GRIN2D: variants seen among roughly 807,000 people sequenced by gnomAD.
The protein encoded by GRIN2D is glutamate receptor ionotropic, NMDA 2D.
A neutral mutation model predicts 103.2 loss-of-function variants in GRIN2D; 37 were observed. The observed-to-expected ratio is 0.36, with a 90% CI of 0.28 to 0.47. GRIN2D has a LOEUF of 0.47. GRIN2D is among the 20% of genes least tolerant of loss of function. The pLI, the probability that GRIN2D is intolerant of heterozygous loss-of-function variation, is 1.00. For synonymous variants in GRIN2D, 845 were observed against 885.6 expected (o/e 0.95, Z 0.81); for missense variants, 1,557 against 1,910.6 (o/e 0.81, Z 3.45).
intron 11 of GRIN2D, among the ~76,000 whole-genome samples, chr19:48,428,044 CT>C (rs549084356): frequency 0.076 from 9,199 of 120,452 alleles, 463 homozygotes; most frequent in African/African-American, 0.17. Flanking sequence ...TGGCCAAGTT[CT>C]TTTTTTTTTT....
intron 3 of GRIN2D, among the ~76,000 whole-genome samples, chr19:48,402,140 GAAAGAAAGAAAGAAAGAAAGAAAGAA>G (rs1569059077): frequency 5.0e-5 from 4 of 80,234 alleles, no homozygotes; most frequent in South Asian, 3.6e-4. Flanking sequence ...AAGAAAGAAA[GAAAGAAAGAAAGAAAGAAAGAAAGAA>G]AGAGAGAAAA....
At chr19:48,423,792 A>C (rs1971052198) in intron 11 of GRIN2D, among the ~76,000 whole-genome samples, 1 of 151,906 alleles carries the variant, frequency 6.6e-6, no homozygotes, top group South Asian at 2.1e-4. Flanking sequence ...TGGAGATTTT[A>C]CGTAAGGAAG....
intron 11 of GRIN2D, among the ~76,000 whole-genome samples, chr19:48,432,222 C>CTT (rs1006061692): frequency 4.4e-5 from 6 of 137,750 alleles, no homozygotes; most frequent in African/African-American, 8.3e-5. Flanking sequence ...CTTTTTCTTT[C>CTT]TTTTTTTTTT....
Position 48,405,523 on chromosome 19 carries a change from T to C in GRIN2D, c.1085+170T>C, listed in dbSNP as rs993282154. On this transcript the variant is annotated intron_variant, in intron 4 of 13. Coordinates refer to ENST00000263269, the MANE Select transcript of GRIN2D (RefSeq NM_000836.4). The surrounding 1 kb of genome is among the most constrained non-coding windows in gnomAD (Gnocchi z 5.1). ...CTTTTCTGAGGTTAAATCAAGTAAT[T>C]TGGAAAAAGCACCTGAGATAAAGTG... is the stretch of plus-strand genomic sequence containing the variant. Among the ~76,000 whole-genome samples, 1 of 152,188 alleles carries C rather than the reference T, an allele frequency of 6.6e-6. No homozygotes were observed. The highest frequency in any genetic ancestry group is 1.5e-5 in the Non-Finnish European group (1 of 68,028).
At chr19:48,437,189 T>C (rs566664767) in intron 11 of GRIN2D, among the ~76,000 whole-genome samples, 2 of 152,256 alleles carry the variant, frequency 1.3e-5, no homozygotes, top group East Asian at 3.9e-4. Flanking sequence ...GGCACAATCA[T>C]AGCTCACTGC....
intron 2 of GRIN2D, among the ~76,000 whole-genome samples, chr19:48,396,210 C>G (rs1362408133): frequency 4.6e-5 from 7 of 151,860 alleles, no homozygotes; most frequent in African/African-American, 1.7e-4. Context: ...AGAGGCTGGA[C>G]TCTGTGATCC....
Position 48,438,025 on chromosome 19 carries a change from C to G in GRIN2D, c.2253-3744C>G, listed in dbSNP as rs544086882. Among the ~76,000 whole-genome samples the G allele has an allele frequency of 1.1e-3, 159 of 150,708 alleles. 1 individual carries two copies. Among genetic ancestry groups the G allele is most frequent in the African/African-American group, 3.4e-3 (138 of 40,942 alleles). On this transcript the variant is annotated intron_variant, in intron 11 of 13. Coordinates refer to ENST00000263269, the MANE Select transcript of GRIN2D (RefSeq NM_000836.4). ...AGTCTTTGCTTCAGCTAGAGACATT[C>G]AATTTGGGGGATCCACTTCCTGTCT...
In GRIN2D at chr19:48,411,143, G is replaced by A. The variant is rs1349774966; in HGVS notation, c.1086-2848G>A. Among the ~76,000 whole-genome samples the A allele has an allele frequency of 4.6e-5, 7 of 151,964 alleles. No homozygotes were observed. In the South Asian group the frequency reaches 6.2e-4, roughly 14 times the overall value. On this transcript the variant is annotated intron_variant, in intron 4 of 13. Transcript: ENST00000263269. Reference sequence around the variant, plus strand: ...AGATCATCTGAGCTTGGGACATGGCGAAACCTCGTCTCCACCAAAAATACA... The same window carrying A: ...AGATCATCTGAGCTTGGGACATGGCAAAACCTCGTCTCCACCAAAAATACA...
intron 11 of GRIN2D, among the ~76,000 whole-genome samples, chr19:48,433,143 G>A (rs548934316): frequency 3.1e-4 from 46 of 148,852 alleles, no homozygotes; most frequent in Non-Finnish European, 4.8e-4. Context: ...CGAGAAGGGC[G>A]GATTGCCTGA....
Position 48,398,768 on chromosome 19 carries a change from G to A in GRIN2D, c.376G>A (p.Val126Ile). Residue 126 changes from valine (V) to isoleucine (I), a missense_variant, in exon 3 of 14, where the codon GTC (valine) becomes ATC (isoleucine). Physicochemically the swap from Val to Ile is conservative, Grantham distance 29 (BLOSUM62 3). Transcript: ENST00000263269. ...CGAAGACGACTCGCGCGCGCCCGCC[G>A]TCGCGCCCATCCTCGACTTCCTGTC... ...VFEDDSRAPA[V>I]APILDFLSAQ... The A allele has an allele frequency of 6.8e-7, 1 of 1,465,100 alleles. No individual in the cohort carries two copies. The highest frequency in any genetic ancestry group is 1.3e-5 in the South Asian group (1 of 77,012). 90.8% of individuals were successfully genotyped at this position (1,465,100 alleles called of 1,614,324 possible). A position where few individuals can be genotyped will look rare whatever the true frequency, so the allele number is the denominator to read the frequency against.
At chr19:48,436,154 G>C (rs1477906238) in intron 11 of GRIN2D, among the ~76,000 whole-genome samples, 2 of 152,306 alleles carry the variant, frequency 1.3e-5, no homozygotes, top group East Asian at 3.9e-4. Context: ...CCGGCTGTGT[G>C]GGAGACCGGA....
intron 11 of GRIN2D, among the ~76,000 whole-genome samples, chr19:48,436,093 G>A (rs186339948): frequency 2.6e-5 from 4 of 152,286 alleles, no homozygotes; most frequent in Admixed American, 2.0e-4. Context: ...AGACAGAGCC[G>A]ATTTATCAAG....
rs1476594657 is a variant in GRIN2D at position 48,444,361 on chromosome 19, A to G, written c.*424A>G. The G allele has an allele frequency of 6.4e-6, 1 of 157,294 alleles. No homozygotes were observed. Among genetic ancestry groups the G allele is most frequent in the African/African-American group, 2.4e-5 (1 of 41,532 alleles). The allele number at this position is 157,294 out of a possible 1,614,324, so 9.7% of individuals were successfully genotyped here. A position where few individuals can be genotyped will look rare whatever the true frequency, so the allele number is the denominator to read the frequency against. On this transcript the variant is annotated 3_prime_UTR_variant, in exon 14 of 14. Coordinates refer to ENST00000263269, the MANE Select transcript of GRIN2D (RefSeq NM_000836.4). This position sits in a 1 kb window ranked among gnomAD's most constrained non-coding sequence, Gnocchi z 5.5. ...TTAACCTTTCATCCATTGGGACTCAAAACTGTGAGACGCGTTCGCCAAACT... is the reference window on the plus strand; with the variant it reads ...TTAACCTTTCATCCATTGGGACTCAGAACTGTGAGACGCGTTCGCCAAACT...
At chr19:48,432,794 A>C (rs910247399) in intron 11 of GRIN2D, among the ~76,000 whole-genome samples, 6 of 132,238 alleles carry the variant, frequency 4.5e-5, no homozygotes, top group Admixed American at 3.9e-4. Flanking sequence ...TTTTTATTTC[A>C]TTTTGCTTTT....
intron 3 of GRIN2D, among the ~76,000 whole-genome samples, chr19:48,402,149 A>G (rs1207711638): frequency 7.2e-6 from 1 of 139,482 alleles, no homozygotes; most frequent in Non-Finnish European, 1.6e-5. Flanking sequence ...AGAAAGAAAG[A>G]AAGAAAGAAA....
intron 8 of GRIN2D, among the ~76,000 whole-genome samples, chr19:48,417,471 G>T (rs1245227083): frequency 6.6e-6 from 1 of 152,228 alleles, no homozygotes; most frequent in Non-Finnish European, 1.5e-5. Context: ...AAGGGCAACA[G>T]TGCTTGTCAG....
chr19:48,422,623 A>G (rs944732214), intron 11 of GRIN2D, among the ~76,000 whole-genome samples: 5 of 151,086 alleles, frequency 3.3e-5, no homozygotes, highest in African/African-American at 9.8e-5. Flanking sequence ...AAAAAAAAAA[A>G]GAATTAAACT....
At chr19:48,400,537 G>C (rs1201471352) in intron 3 of GRIN2D, among the ~76,000 whole-genome samples, 1 of 152,142 alleles carries the variant, frequency 6.6e-6, no homozygotes, top group Admixed American at 6.5e-5. Flanking sequence ...GTGATCCCTC[G>C]TGCCTTCATT....
intron 3 of GRIN2D, among the ~76,000 whole-genome samples, chr19:48,401,487 G>C (rs1014421405): frequency 1.3e-5 from 2 of 152,150 alleles, no homozygotes; most frequent in Admixed American, 6.6e-5. Context: ...GCATGGAGGA[G>C]GTAGGGAAAA....
Sources: gnomAD v4.1 joint callset for allele counts (sites outside exome capture counted in the v4.1 genomes callset) on GRCh38, gnomAD v4.1.1 for gene constraint, Gnocchi (gnomAD v3.1) non-coding constraint, MANE v1.5 for transcripts, NCBI Gene and HGNC (gene_info 2026-07-23, HGNC 2026-07-21) for gene names.